Variants in NBEAL1 observed in about 807,000 individuals in gnomAD.
NBEAL1 encodes the protein neurobeachin like 1, also known as neurobeachin-like protein 1.
NBEAL1 carries 273 observed loss-of-function variants against 351.3 expected under a neutral mutation model. The ratio of observed to expected loss-of-function variants is 0.78; its 90% CI spans 0.70 to 0.86. NBEAL1 has a LOEUF of 0.86. NBEAL1 is among the 40% of genes least tolerant of loss of function. The probability of loss-of-function intolerance (pLI) is 0.00; values close to 1 mark genes in which losing one functional copy is unlikely to be tolerated. For missense variants in NBEAL1, 2,961 were observed against 3,201.3 expected (o/e 0.92, Z 1.81); for synonymous variants, 1,050 against 1,086.4 (o/e 0.97, Z 0.66).
Position 203,188,576 on chromosome 2 carries a change from T to C in NBEAL1, c.6810T>C (p.Tyr2270=). Residue 2270 remains tyrosine, a synonymous_variant, in exon 45 of 56, where the codon TAT becomes TAC. Coordinates refer to ENST00000683969, the MANE Select transcript of NBEAL1 (RefSeq NM_001378026.1). ...AAVEALNVFY[Y]CSYEGAVDLD... is the part of the protein sequence containing the mutation. ...TAGAGGCACTCAACGTTTTCTATTA[T>C]TGTAGTTATGAAGGTATAAATCTAT... The C allele has an allele frequency of 6.3e-7, 1 of 1,591,538 alleles. No individual in the cohort carries two copies. Among genetic ancestry groups the C allele is most frequent in the Non-Finnish European group, 8.6e-7 (1 of 1,163,644 alleles).
chr2:203,066,009 A>G (rs542956044), intron 6 of NBEAL1, among the ~76,000 whole-genome samples: 1 of 152,314 alleles, frequency 6.6e-6, no homozygotes, highest in Admixed American at 6.5e-5. Flanking sequence ...CTTGTGCTTT[A>G]ATTTTTGTGT....
At chr2:203,082,833 T>G (rs2061896451) in intron 8 of NBEAL1, among the ~76,000 whole-genome samples, 1 of 152,246 alleles carries the variant, frequency 6.6e-6, no homozygotes. Context: ...AATCATGGAC[T>G]TATCTCTTCA....
chr2:203,129,934 G>A (rs1193770574), intron 24 of NBEAL1, among the ~76,000 whole-genome samples: 4 of 152,170 alleles, frequency 2.6e-5, no homozygotes, highest in Non-Finnish European at 5.9e-5. Flanking sequence ...CAGTGAGCTG[G>A]GTGGATCGCT....
At chr2:203,048,110 C>T (rs1486609513) in intron 3 of NBEAL1, among the ~76,000 whole-genome samples, 2 of 151,968 alleles carry the variant, frequency 1.3e-5, no homozygotes, top group African/African-American at 2.4e-5. Flanking sequence ...GTAAGATATC[C>T]ATGCTTTGAG....
chr2:203,172,916 T>C (rs1030723480), intron 41 of NBEAL1, 63 bp downstream of exon 41: 2 of 1,467,884 alleles, frequency 1.4e-6, no homozygotes, highest in Admixed American at 2.4e-5. Flanking sequence ...ATTGATTTTT[T>C]ACTATGGCCA....
intron 2 of NBEAL1, among the ~76,000 whole-genome samples, chr2:203,035,848 T>G (rs1318091362): frequency 6.7e-6 from 1 of 149,330 alleles, no homozygotes; most frequent in Non-Finnish European, 1.5e-5. Flanking sequence ...TTTCCTGATT[T>G]GGGCACATAG....
chr2:203,053,594 C>G (rs1220463307), intron 4 of NBEAL1, among the ~76,000 whole-genome samples: 1 of 152,088 alleles, frequency 6.6e-6, no homozygotes, highest in Non-Finnish European at 1.5e-5. Flanking sequence ...ATGATCACAG[C>G]TCACTGCAGC....
Position 203,154,160 on chromosome 2 carries a change from C to T in NBEAL1, c.5587+2571C>T, listed in dbSNP as rs368122920. Among the ~76,000 whole-genome samples the T allele has an allele frequency of 2.0e-3, 297 of 150,658 alleles. 12 individuals carry two copies. In the South Asian group the frequency reaches 0.056, roughly 28 times the overall value. ...CTGAGGCAGGAGAATGGCATGAACCCGGGAGGCGGAGCTTGCAGTGAGCCG... is the reference window on the plus strand; with the variant it reads ...CTGAGGCAGGAGAATGGCATGAACCTGGGAGGCGGAGCTTGCAGTGAGCCG... On this transcript the variant is annotated intron_variant, in intron 35 of 55. Coordinates refer to ENST00000683969, the MANE Select transcript of NBEAL1 (RefSeq NM_001378026.1).
At position 203,223,475 on chromosome 2, in the gene NBEAL1, A is replaced by G. The variant is rs975979864; in HGVS notation, c.*6121A>G. Among the ~76,000 whole-genome samples, 19 of 151,992 alleles carry G rather than the reference A, an allele frequency of 1.3e-4. No individual in the cohort carries two copies. The highest frequency in any genetic ancestry group is 2.5e-4 in the Non-Finnish European group (17 of 67,920). ...TATGTAATGGCTGTCTCATTATTTA[A>G]ATTAATTTATAATTATTTTTCAGTG... On this transcript the variant is annotated 3_prime_UTR_variant, in exon 56 of 56. Transcript: ENST00000683969.
chr2:203,126,357 A>G (rs941792358), intron 21 of NBEAL1, among the ~76,000 whole-genome samples, 200 bp from the exon 22 acceptor site: 2 of 152,180 alleles, frequency 1.3e-5, no homozygotes, highest in Non-Finnish European at 1.5e-5. Flanking sequence ...TGAGAAATAT[A>G]AGACTATTTT....
At chr2:203,211,188 T>G in intron 54 of NBEAL1, 82 bp downstream of exon 54, 2 of 1,045,782 alleles carry the variant, frequency 1.9e-6, no homozygotes, top group Non-Finnish European at 2.6e-6. Flanking sequence ...GAATCTAAGA[T>G]TTTTAATCTT....
Position 203,144,725 on chromosome 2 carries a change from G to C in NBEAL1, c.4974G>C (p.Gln1658His), listed in dbSNP as rs750972653. The change falls in exon 32 of 56, where the codon CAG (glutamine) becomes CAC (histidine). Residue 1658 changes from glutamine to histidine, a missense_variant. By Grantham distance (24) the Gln-to-His change is conservative. Coordinates refer to ENST00000683969, the MANE Select transcript of NBEAL1 (RefSeq NM_001378026.1). ...EHVLSQSIKEQTEIYSFLIPL... is the reference protein window; with the variant it reads ...EHVLSQSIKEHTEIYSFLIPL... The stretch of plus-strand genomic sequence containing the variant: ...TTCTAAGTCAATCAATCAAGGAACA[G>C]ACTGAAATCTACTCATTTCTGATTC... 6.2e-7 allele frequency: 1 copy of C among 1,614,162 alleles called. No homozygotes were observed. Among genetic ancestry groups the C allele is most frequent in the East Asian group, 2.2e-5 (1 of 44,872 alleles).
intron 10 of NBEAL1, 23 bp from the exon 11 acceptor site, chr2:203,097,524 A>G: frequency 1.1e-6 from 1 of 937,766 alleles, no homozygotes; most frequent in African/African-American, 1.8e-5. Flanking sequence ...TTTCTCCATT[A>G]TTCTTGTCTC....
chr2:203,180,403 G>A lies in NBEAL1; in HGVS notation c.6486G>A (p.Gln2162=), dbSNP rs201582714. 1.4e-4 allele frequency: 221 copies of A among 1,611,532 alleles called. 1 individual carries two copies. The highest frequency in any genetic ancestry group is 4.8e-4 in the South Asian group (43 of 90,468). ...QSGRFDCADR[Q]FHSIPATWQA... The stretch of plus-strand genomic sequence containing the variant: ...GCAGGTTTGACTGTGCAGATCGACA[G>A]TTCCATTCTATTCCTGCTACCTGGC... The change falls in exon 43 of 56, where the codon CAG becomes CAA. Residue 2162 remains glutamine, a synonymous_variant. Transcript: ENST00000683969.
intron 2 of NBEAL1, chr2:203,040,888 C>A: frequency 2.5e-6 from 1 of 395,300 alleles, no homozygotes; most frequent in South Asian, 2.2e-5. Flanking sequence ...GCTCATCTGC[C>A]AGCTGAACAA....
At chr2:203,039,648 G>C (rs942962631) in intron 2 of NBEAL1, among the ~76,000 whole-genome samples, 2 of 152,048 alleles carry the variant, frequency 1.3e-5, no homozygotes, top group African/African-American at 4.8e-5. Flanking sequence ...CCTGCCTCGG[G>C]CTCCCAAAGT....
At chr2:203,063,850 T>C (rs936184706) in intron 6 of NBEAL1, among the ~76,000 whole-genome samples, 1 of 152,098 alleles carries the variant, frequency 6.6e-6, no homozygotes, top group Admixed American at 6.5e-5. Context: ...ATACCAGTGA[T>C]AGATAGATAA....
At chr2:203,166,114 G>T (rs768820915) in intron 36 of NBEAL1, 35 bp from the exon 37 acceptor site, 1 of 1,504,562 alleles carries the variant, frequency 6.6e-7, no homozygotes, top group South Asian at 1.3e-5. Flanking sequence ...ATAAATGGTT[G>T]AATTTTTCTG....
chr2:203,056,569 T>G, intron 5 of NBEAL1, 61 bp downstream of exon 5: 2 of 986,978 alleles, frequency 2.0e-6, no homozygotes, highest in Non-Finnish European at 3.1e-6. Context: ...TACTTTTTGT[T>G]TGTTTGTTTG....
Sources: allele counts gnomAD v4.1 joint callset (sites outside exome capture counted in the v4.1 genomes callset), GRCh38; gene constraint gnomAD v4.1.1; transcripts MANE v1.5; gene names NCBI Gene and HGNC (gene_info 2026-07-23, HGNC 2026-07-21).